HS6ST3: variants seen among roughly 807,000 people sequenced by gnomAD.
The protein encoded by HS6ST3 is heparan sulfate 6-O-sulfotransferase 3, also known as heparan-sulfate 6-O-sulfotransferase 3.
In HS6ST3, 12 loss-of-function variants were observed where a neutral mutation model predicts 36.7. That is an observed-to-expected ratio of 0.33 (90% CI 0.21 to 0.53). The LOEUF (loss-of-function observed/expected upper bound fraction) is 0.53, where lower values mean the gene tolerates loss of function less well. HS6ST3 is among the 20% of genes least tolerant of loss of function. HS6ST3 has a pLI of 0.95. For synonymous variants in HS6ST3, 240 were observed against 257.5 expected (o/e 0.93, Z 0.65); for missense variants, 584 against 640.9 (o/e 0.91, Z 0.96).
intron 1 of HS6ST3, among the ~76,000 whole-genome samples, chr13:96,796,964 A>G (rs1051474131): frequency 6.6e-6 from 1 of 152,034 alleles, no homozygotes; most frequent in East Asian, 1.9e-4. Flanking sequence ...TCTGACTACC[A>G]CTTGCCAGGC....
At chr13:96,541,083 A>T (rs962963575) in intron 1 of HS6ST3, among the ~76,000 whole-genome samples, 4 of 152,144 alleles carry the variant, frequency 2.6e-5, no homozygotes, top group African/African-American at 7.2e-5. Flanking sequence ...CCCAGGCTAG[A>T]GTGCAATGGC....
rs527368294 is a variant in HS6ST3, at chr13:96,311,951, C to A, written c.707+220382C>A. On this transcript the variant is annotated intron_variant, in intron 1 of 1. Transcript: ENST00000376705. ...TCTCATTTTCTTTGGCTATTAAGTT[C>A]ATTTTTTTTTTGTTTCATTAACTTA... 1.0e-4 allele frequency among the ~76,000 whole-genome samples: 13 copies of A among 127,054 alleles called. No individual in the cohort carries two copies. The South Asian group carries it at 2.7e-3, about 26-fold the overall frequency. 83.4% of individuals were successfully genotyped at this position (127,054 alleles called of 152,430 possible).
intron 1 of HS6ST3, among the ~76,000 whole-genome samples, chr13:96,576,732 A>G (rs540531816): frequency 2.8e-4 from 42 of 152,020 alleles, no homozygotes; most frequent in Non-Finnish European, 5.6e-4. Flanking sequence ...ACCTGAGGTC[A>G]GGAGTTGGAG....
chr13:96,670,659 G>A (rs540889037), intron 1 of HS6ST3, among the ~76,000 whole-genome samples: 23 of 152,166 alleles, frequency 1.5e-4, no homozygotes, highest in African/African-American at 5.5e-4. Flanking sequence ...TACAGATGAA[G>A]GTAAGCCTAG....
chr13:96,541,037 A>T (rs551071237), intron 1 of HS6ST3, among the ~76,000 whole-genome samples: 3 of 152,112 alleles, frequency 2.0e-5, no homozygotes, highest in Admixed American at 6.6e-5. Flanking sequence ...ATTTATTTTT[A>T]TTTATTTATT....
chr13:96,501,955 C>G (rs2056006180), intron 1 of HS6ST3, among the ~76,000 whole-genome samples: 1 of 152,222 alleles, frequency 6.6e-6, no homozygotes, highest in Non-Finnish European at 1.5e-5. Flanking sequence ...TGCTCCTCCA[C>G]TCTGACTTTT....
chr13:96,681,787 G>C (rs2056719162), intron 1 of HS6ST3, among the ~76,000 whole-genome samples: 1 of 152,010 alleles, frequency 6.6e-6, no homozygotes, highest in Non-Finnish European at 1.5e-5. Flanking sequence ...AAACCACTAA[G>C]TCTGGATTTG....
chr13:96,213,323 C>T (rs977201585), intron 1 of HS6ST3, among the ~76,000 whole-genome samples: 6 of 152,032 alleles, frequency 3.9e-5, no homozygotes, highest in Non-Finnish European at 8.8e-5. Context: ...TTTTTGTGGT[C>T]CCTGTGTTCC....
intron 1 of HS6ST3, among the ~76,000 whole-genome samples, chr13:96,180,580 T>C (rs1324763398): frequency 6.6e-6 from 1 of 152,194 alleles, no homozygotes; most frequent in Non-Finnish European, 1.5e-5. Context: ...TTGCAAACAG[T>C]GAGATTAATT....
chr13:96,279,587 G>A (rs2054765084), intron 1 of HS6ST3, among the ~76,000 whole-genome samples: 1 of 152,180 alleles, frequency 6.6e-6, no homozygotes, highest in South Asian at 2.1e-4. Context: ...TAAGAGCTGA[G>A]TAGAATTTAT....
intron 1 of HS6ST3, among the ~76,000 whole-genome samples, chr13:96,312,012 A>G (rs2054943708): frequency 6.6e-6 from 1 of 151,762 alleles, no homozygotes; most frequent in African/African-American, 2.4e-5. Flanking sequence ...AAATATTTCT[A>G]ACTGATACAA....
chr13:96,605,284 C>T (rs188510855), intron 1 of HS6ST3, among the ~76,000 whole-genome samples: 2 of 152,090 alleles, frequency 1.3e-5, no homozygotes, highest in Non-Finnish European at 2.9e-5. Flanking sequence ...TTATAGGAGC[C>T]TATAATATAT....
chr13:96,401,690 T>A (rs1011593853), intron 1 of HS6ST3, among the ~76,000 whole-genome samples: 2 of 152,142 alleles, frequency 1.3e-5, no homozygotes, highest in African/African-American at 4.8e-5. Context: ...TTCTCCTGCC[T>A]CAGCCTCCCA....
At chr13:96,091,661 C>G (rs2053765688) in intron 1 of HS6ST3, 92 bp downstream of exon 1, 1 of 1,442,100 alleles carries the variant, frequency 6.9e-7, no homozygotes, top group Admixed American at 2.4e-5. Flanking sequence ...CTCCCTGCCC[C>G]TGCCGATGGT....
chr13:96,599,998 C>T (rs1404457912), intron 1 of HS6ST3, among the ~76,000 whole-genome samples: 1 of 152,000 alleles, frequency 6.6e-6, no homozygotes, highest in African/African-American at 2.4e-5. Context: ...TGAGAAGATA[C>T]TTGATATAAT....
intron 1 of HS6ST3, among the ~76,000 whole-genome samples, chr13:96,797,909 G>A (rs1877952365): frequency 6.6e-6 from 1 of 151,994 alleles, no homozygotes; most frequent in East Asian, 1.9e-4. Context: ...CGGGTTGAGG[G>A]CTCAGTCCCC....
chr13:96,418,214 C>G (rs139916355), intron 1 of HS6ST3, among the ~76,000 whole-genome samples: 3 of 152,198 alleles, frequency 2.0e-5, no homozygotes, highest in African/African-American at 7.2e-5. Context: ...TTGTTTGCAG[C>G]ATGAGAACTG....
intron 1 of HS6ST3, among the ~76,000 whole-genome samples, chr13:96,714,674 T>C (rs1875647297): frequency 6.6e-6 from 1 of 152,210 alleles, no homozygotes; most frequent in Admixed American, 6.5e-5. Flanking sequence ...CATATGTATA[T>C]TGATACATAA....
At chr13:96,822,783 G>C (rs1878564937) in intron 1 of HS6ST3, among the ~76,000 whole-genome samples, 1 of 152,170 alleles carries the variant, frequency 6.6e-6, no homozygotes, top group South Asian at 2.1e-4. Context: ...ATCTCAAGAG[G>C]TTGTTTCTTT....
Sources: gnomAD v4.1 joint callset for allele counts (sites outside exome capture counted in the v4.1 genomes callset) on GRCh38, gnomAD v4.1.1 for gene constraint, MANE v1.5 for transcripts, NCBI Gene and HGNC (gene_info 2026-07-23, HGNC 2026-07-21) for gene names.